Variants in PARM1 observed in about 807,000 individuals in gnomAD.
The protein encoded by PARM1 is prostate androgen-regulated mucin-like protein 1.
A neutral mutation model predicts 24.6 loss-of-function variants in PARM1; 14 were observed. The observed-to-expected ratio is 0.57, with a 90% CI of 0.38 to 0.89. PARM1 has a LOEUF of 0.89. Ranked by LOEUF, PARM1 falls within the 40% of genes least tolerant of loss-of-function variation. PARM1 has a pLI of 0.00. For missense variants in PARM1, 362 were observed against 380.4 expected (o/e 0.95, Z 0.40); for synonymous variants, 179 against 156.6 (o/e 1.14, Z -1.07).
chr4:75,003,382 A>ATGT (rs1443103753), intron 1 of PARM1, among the ~76,000 whole-genome samples: 1 of 152,096 alleles, frequency 6.6e-6, no homozygotes, highest in Non-Finnish European at 1.5e-5. Flanking sequence ...TTCTTCACAA[A>ATGT]TGTTATTCTT....
chr4:74,967,809 G>T (rs946096295), intron 1 of PARM1: 14 of 152,152 alleles, frequency 9.2e-5, no homozygotes, highest in African/African-American at 3.1e-4. Flanking sequence ...TGAAACCATG[G>T]TTAAAATATT....
At chr4:74,966,264 A>G (rs1721899943) in intron 1 of PARM1, among the ~76,000 whole-genome samples, 1 of 152,220 alleles carries the variant, frequency 6.6e-6, no homozygotes, top group Non-Finnish European at 1.5e-5. Context: ...AATGGCAAGG[A>G]AGACTTTATT....
intron 1 of PARM1, among the ~76,000 whole-genome samples, chr4:74,982,441 C>A (rs960502832): frequency 1.3e-5 from 2 of 151,926 alleles, no homozygotes; most frequent in Non-Finnish European, 2.9e-5. Flanking sequence ...TGCACATGTA[C>A]CCCAGAACTT....
In PARM1 at chr4:75,048,008, C is replaced by T. The variant is rs1178202677; in HGVS notation, c.*1761C>T. The T allele has an allele frequency of 6.6e-6, 1 of 152,100 alleles. No homozygotes were observed. Among genetic ancestry groups the T allele is most frequent in the Non-Finnish European group, 1.5e-5 (1 of 68,032 alleles). The allele number at this position is 152,100 out of a possible 1,614,324, so 9.4% of individuals were successfully genotyped here. ...CGACTTCAAAATGTGTTGTATTGTC[C>T]TACAGTGTCATAAAGAACCTGAAAA... On this transcript the variant is annotated 3_prime_UTR_variant, in exon 4 of 4. Coordinates refer to ENST00000307428, the MANE Select transcript of PARM1 (RefSeq NM_015393.4).
At chr4:74,940,631 G>A (rs1721286405) in intron 1 of PARM1, among the ~76,000 whole-genome samples, 1 of 152,130 alleles carries the variant, frequency 6.6e-6, no homozygotes, top group Non-Finnish European at 1.5e-5. Flanking sequence ...TTTTCAGAAT[G>A]CAAATATTGA....
intron 1 of PARM1, among the ~76,000 whole-genome samples, chr4:74,964,553 G>GCACACACACA (rs35380033): frequency 0.095 from 13,596 of 143,278 alleles, 633 homozygotes; most frequent in African/African-American, 0.13. Flanking sequence ...ACCTGGCAAA[G>GCACACACACA]CACACACACA....
intron 1 of PARM1, among the ~76,000 whole-genome samples, chr4:74,979,335 C>T (rs1722202137): frequency 1.3e-5 from 2 of 152,126 alleles, no homozygotes; most frequent in African/African-American, 4.8e-5. Context: ...ATAAACACCT[C>T]TATGCAAACA....
At position 75,047,455 on chromosome 4, in the gene PARM1, T is replaced by C. The variant is rs905178899; in HGVS notation, c.*1208T>C. ...TCTTAAAATTCTGCACAATAAATTT[T>C]GAGAAAGAATTGTTCCTCTTTGTAG... On this transcript the variant is annotated 3_prime_UTR_variant, in exon 4 of 4. Coordinates refer to ENST00000307428, the MANE Select transcript of PARM1 (RefSeq NM_015393.4). 6.6e-6 allele frequency: 1 copy of C among 152,266 alleles called. No individual in the cohort carries two copies. Among genetic ancestry groups the C allele is most frequent in the African/African-American group, 2.4e-5 (1 of 41,464 alleles). The allele number at this position is 152,266 out of a possible 1,614,324, so 9.4% of individuals were successfully genotyped here. A position where few individuals can be genotyped will look rare whatever the true frequency, so the allele number is the denominator to read the frequency against.
chr4:75,004,860 C>G (rs758550955), intron 1 of PARM1, among the ~76,000 whole-genome samples: 2 of 152,196 alleles, frequency 1.3e-5, no homozygotes, highest in Non-Finnish European at 2.9e-5. Context: ...TTTCCCAATT[C>G]AATACTATAG....
At chr4:75,005,499 A>T (rs915961588) in intron 1 of PARM1, among the ~76,000 whole-genome samples, 2 of 152,168 alleles carry the variant, frequency 1.3e-5, no homozygotes, top group Non-Finnish European at 2.9e-5. Flanking sequence ...ACACCCAGTC[A>T]GGTCAGGAGG....
At chr4:75,033,997 T>G (rs1419342080) in intron 3 of PARM1, 36 bp downstream of exon 3, 2 of 1,518,438 alleles carry the variant, frequency 1.3e-6, no homozygotes, top group Non-Finnish European at 9.0e-7. Context: ...AAAGGGATTC[T>G]GTTTTGTTGG....
intron 3 of PARM1, among the ~76,000 whole-genome samples, chr4:75,034,241 C>G (rs1193587127): frequency 6.6e-6 from 1 of 152,104 alleles, no homozygotes; most frequent in Non-Finnish European, 1.5e-5. Flanking sequence ...AGCCTAGGCT[C>G]CCTGCCCCAA....
intron 2 of PARM1, among the ~76,000 whole-genome samples, chr4:75,019,220 G>C (rs1363316895): frequency 1.3e-5 from 2 of 152,204 alleles, no homozygotes; most frequent in Non-Finnish European, 2.9e-5. Context: ...ACTACAGTGT[G>C]TGTTTGACTC....
intron 1 of PARM1, chr4:74,965,343 A>G (rs1420256002): frequency 1.3e-5 from 2 of 152,178 alleles, no homozygotes; most frequent in Non-Finnish European, 2.9e-5. Flanking sequence ...CATAGCAAGA[A>G]AAAGTGGGGA....
intron 1 of PARM1, among the ~76,000 whole-genome samples, chr4:74,983,545 T>C (rs953743461): frequency 4.6e-5 from 7 of 152,196 alleles, no homozygotes; most frequent in Non-Finnish European, 1.0e-4. Flanking sequence ...TCACCATGAC[T>C]GGACCTGATT....
chr4:75,014,455 C>G (rs1327697541), intron 2 of PARM1, among the ~76,000 whole-genome samples: 1 of 152,058 alleles, frequency 6.6e-6, no homozygotes, highest in Non-Finnish European at 1.5e-5. Context: ...CTGTTACAGG[C>G]CAGACCTAGG....
At chr4:75,010,643 G>A (rs769598536) in intron 1 of PARM1, among the ~76,000 whole-genome samples, 8 of 152,298 alleles carry the variant, frequency 5.3e-5, no homozygotes, top group Admixed American at 1.3e-4. Context: ...AAGTGATGAC[G>A]AGAACATGAG....
intron 1 of PARM1, among the ~76,000 whole-genome samples, chr4:75,005,407 A>T (rs1253036084): frequency 6.6e-6 from 1 of 152,180 alleles, no homozygotes; most frequent in East Asian, 1.9e-4. Flanking sequence ...GCTGTCTGCA[A>T]CTCTGCCACT....
At chr4:74,966,074 C>A (rs1041797278) in intron 1 of PARM1, among the ~76,000 whole-genome samples, 1 of 152,168 alleles carries the variant, frequency 6.6e-6, no homozygotes. Context: ...AATCTAAATT[C>A]ATTCCAAAAT....
Sources: allele counts gnomAD v4.1 joint callset (sites outside exome capture counted in the v4.1 genomes callset), GRCh38; gene constraint gnomAD v4.1.1; transcripts MANE v1.5; gene names NCBI Gene and HGNC (gene_info 2026-07-23, HGNC 2026-07-21).